Variants in NR3C1 observed in about 807,000 individuals in gnomAD.
NR3C1 encodes the protein glucocorticoid receptor.
Under a neutral mutation model 74.0 loss-of-function variants are expected in NR3C1, and 14 were observed. The ratio of observed to expected loss-of-function variants is 0.19; its 90% CI spans 0.12 to 0.30. The LOEUF is 0.30. Among genes scored for constraint, NR3C1 ranks in the 10% least tolerant of loss-of-function variants. The probability of loss-of-function intolerance (pLI) is 1.00; values close to 1 mark genes in which losing one functional copy is unlikely to be tolerated. For missense variants in NR3C1, 695 were observed against 909.8 expected (o/e 0.76, Z 3.04); for synonymous variants, 308 against 332.5 (o/e 0.93, Z 0.80).
At chr5:143,372,926 T>C (rs1045635985) in intron 2 of NR3C1, among the ~76,000 whole-genome samples, 5 of 152,168 alleles carry the variant, frequency 3.3e-5, no homozygotes, top group Non-Finnish European at 5.9e-5. Context: ...CAATGTTTAT[T>C]CCAAGTCGTA....
At chr5:143,339,685 T>C (rs1827832355) in intron 2 of NR3C1, among the ~76,000 whole-genome samples, 1 of 152,198 alleles carries the variant, frequency 6.6e-6, no homozygotes, top group Non-Finnish European at 1.5e-5. Context: ...CCCCTTCCTT[T>C]CACCCTATCC....
intron 2 of NR3C1, among the ~76,000 whole-genome samples, chr5:143,383,808 G>C (rs1263940887): frequency 2.0e-5 from 3 of 152,166 alleles, no homozygotes; most frequent in Admixed American, 1.3e-4. Context: ...ATAAAGAAAA[G>C]TATAAACACT....
chr5:143,298,680 A>G lies in NR3C1; in HGVS notation c.1880T>C (p.Leu627Pro). Reference protein sequence around the residue: ...SANLLCFAPDLIINEQRMTLP... With the variant: ...SANLLCFAPDPIINEQRMTLP... Reference sequence around the variant, plus strand: ...ACATACAACTTACTCATTAATAATCAGATCAGGAGCAAAACACAGCAGGTT... The same window carrying G: ...ACATACAACTTACTCATTAATAATCGGATCAGGAGCAAAACACAGCAGGTT... The change falls in exon 6 of 9, where the codon CTG becomes CCG. Residue 627 changes from leucine to proline, a missense_variant. Transcript: ENST00000394464. The G allele has an allele frequency of 6.2e-7, 1 of 1,613,682 alleles. No individual in the cohort carries two copies. The highest frequency in any genetic ancestry group is 8.5e-7 in the Non-Finnish European group (1 of 1,179,762).
intron 3 of NR3C1, among the ~76,000 whole-genome samples, chr5:143,310,639 TGATA>T (rs1165457763): frequency 6.6e-6 from 1 of 152,060 alleles, no homozygotes; most frequent in Non-Finnish European, 1.5e-5. Context: ...TTACACAGTT[TGATA>T]GATTATGTTT....
At chr5:143,402,850 C>T in intron 1 of NR3C1, 2 of 984,390 alleles carry the variant, frequency 2.0e-6, no homozygotes, top group Non-Finnish European at 1.2e-6. Context: ...AAACGGGTGT[C>T]GGGCGACCCC....
At chr5:143,389,692 T>C (rs1241890237) in intron 2 of NR3C1, among the ~76,000 whole-genome samples, 2 of 152,188 alleles carry the variant, frequency 1.3e-5, no homozygotes, top group African/African-American at 2.4e-5. Flanking sequence ...TTAAAAACAT[T>C]TCTTGATTAA....
chr5:143,352,096 CTAATA>C (rs1230817966), intron 2 of NR3C1, among the ~76,000 whole-genome samples: 1 of 152,076 alleles, frequency 6.6e-6, no homozygotes, highest in Non-Finnish European at 1.5e-5. Context: ...GGGTGGCTTT[CTAATA>C]TTTTATACAA....
chr5:143,332,876 G>C, intron 2 of NR3C1: 4 of 1,482,244 alleles, frequency 2.7e-6, no homozygotes, highest in Non-Finnish European at 3.7e-6. Context: ...TTACCCCCTA[G>C]AATCTAAAAA....
chr5:143,335,642 C>T (rs1002834068), intron 2 of NR3C1, among the ~76,000 whole-genome samples: 5 of 152,310 alleles, frequency 3.3e-5, no homozygotes, highest in Admixed American at 6.5e-5. Context: ...GGCTAATTTG[C>T]ACCTTGCTTT....
intron 2 of NR3C1, among the ~76,000 whole-genome samples, chr5:143,371,998 CA>C (rs1834316043): frequency 6.6e-6 from 1 of 152,180 alleles, no homozygotes; most frequent in South Asian, 2.1e-4. Context: ...CCTGAAATCA[CA>C]GGTAGTACCA....
chr5:143,424,262 A>G (rs987526060), intron 1 of NR3C1, among the ~76,000 whole-genome samples: 2 of 152,136 alleles, frequency 1.3e-5, no homozygotes, highest in African/African-American at 4.8e-5. Flanking sequence ...AATGGATACG[A>G]AAATGCAGTC....
At chr5:143,343,115 C>A (rs1236009117) in intron 2 of NR3C1, among the ~76,000 whole-genome samples, 1 of 152,164 alleles carries the variant, frequency 6.6e-6, no homozygotes, top group Admixed American at 6.5e-5. Context: ...AAGATAGCAT[C>A]TAGGGAATGG....
At chr5:143,395,819 C>T (rs1439532966) in intron 2 of NR3C1, among the ~76,000 whole-genome samples, 1 of 151,730 alleles carries the variant, frequency 6.6e-6, no homozygotes, top group African/African-American at 2.4e-5. Flanking sequence ...GCAGATGTTC[C>T]GACTTTCACA....
At chr5:143,318,402 G>A (rs1822627574) in intron 2 of NR3C1, among the ~76,000 whole-genome samples, 1 of 152,088 alleles carries the variant, frequency 6.6e-6, no homozygotes, top group Admixed American at 6.6e-5. Context: ...CTTGCACTTT[G>A]AATGTATCTT....
chr5:143,329,829 T>A (rs950028063), intron 2 of NR3C1, among the ~76,000 whole-genome samples: 1 of 152,200 alleles, frequency 6.6e-6, no homozygotes, highest in Admixed American at 6.5e-5. Context: ...TTTTTAAATA[T>A]GTGAATTGTT....
intron 2 of NR3C1, among the ~76,000 whole-genome samples, chr5:143,316,427 A>G (rs1822091123): frequency 6.6e-6 from 1 of 152,216 alleles, no homozygotes; most frequent in African/African-American, 2.4e-5. Context: ...ATATATACAC[A>G]CATATGCATA....
rs370230141 is a variant in NR3C1, at chr5:143,424,017, A to T, written c.-14+10515T>A. Among the ~76,000 whole-genome samples, 183 of 129,900 alleles carry T rather than the reference A, an allele frequency of 1.4e-3. 5 individuals are homozygous for T. The South Asian group carries it at 0.033, about 23-fold the overall frequency. 85.2% of individuals were successfully genotyped at this position (129,900 alleles called of 152,430 possible). On this transcript the variant is annotated intron_variant, in intron 1 of 8. Transcript: ENST00000343796. ...CGTAGGTGGGAATTGAACAATGAGA[A>T]CACATGGACACAGGAAGGGGAACAT...
intron 3 of NR3C1, among the ~76,000 whole-genome samples, chr5:143,313,754 T>C (rs1821463292): frequency 6.6e-6 from 1 of 152,158 alleles, no homozygotes; most frequent in Non-Finnish European, 1.5e-5. Flanking sequence ...TTTCTTATAG[T>C]GTTACCTTAT....
chr5:143,307,781 A>G (rs1819948096), intron 4 of NR3C1, among the ~76,000 whole-genome samples: 1 of 152,222 alleles, frequency 6.6e-6, no homozygotes, highest in Admixed American at 6.5e-5. Context: ...CATACATAGG[A>G]GATTAGAGAG....
Sources: allele counts gnomAD v4.1 joint callset (sites outside exome capture counted in the v4.1 genomes callset), GRCh38; gene constraint gnomAD v4.1.1; transcripts MANE v1.5; gene names NCBI Gene and HGNC (gene_info 2026-07-23, HGNC 2026-07-21).